SLC24A2: variants seen among roughly 807,000 people sequenced by gnomAD.
SLC24A2 encodes the protein sodium/potassium/calcium exchanger 2.
Under a neutral mutation model 62.0 loss-of-function variants are expected in SLC24A2, and 36 were observed. The observed-to-expected ratio is 0.58, with a 90% CI of 0.44 to 0.77. The LOEUF is 0.77. Ranked by LOEUF, SLC24A2 falls within the 30% of genes least tolerant of loss-of-function variation. The pLI is 0.00. For missense variants in SLC24A2, 846 were observed against 817.9 expected, an observed-to-expected ratio of 1.03 and a Z score of -0.42; for synonymous variants, 358 against 294.0, an observed-to-expected ratio of 1.22 and a Z score of -2.23.
the SLC24A2 span, among the ~76,000 whole-genome samples, chr9:20,223,768 GGTTA>G: frequency 6.6e-6 from 1 of 152,014 alleles, no homozygotes; most frequent in Non-Finnish European, 1.5e-5. Context: ...TAGAATAATT[GGTTA>G]TTTAGGTGGA....
At chr9:19,518,567 G>A (rs543170752) in intron 10 of SLC24A2, among the ~76,000 whole-genome samples, 8 of 151,814 alleles carry the variant, frequency 5.3e-5, no homozygotes, top group Non-Finnish European at 1.0e-4. Flanking sequence ...GACTGCAGGC[G>A]CACGCCACCA....
At chr9:20,065,278 C>T in the SLC24A2 span, among the ~76,000 whole-genome samples, 1 of 152,214 alleles carries the variant, frequency 6.6e-6, no homozygotes, top group East Asian at 1.9e-4. Context: ...CCAGCAGTCT[C>T]CCAGACAAGA....
chr9:19,728,536 G>GA (rs1396733846), intron 2 of SLC24A2, among the ~76,000 whole-genome samples: 2 of 152,040 alleles, frequency 1.3e-5, no homozygotes, highest in Admixed American at 6.6e-5. Flanking sequence ...TTGCTATAAT[G>GA]AAAAAATCTT....
intron 2 of SLC24A2, among the ~76,000 whole-genome samples, chr9:19,695,679 C>CAAAAAAAAAAAAAAAAAAAAAAA (rs66668393): frequency 1.4e-5 from 1 of 73,536 alleles, no homozygotes; most frequent in African/African-American, 5.6e-5. Context: ...TTGTTAGTAG[C>CAAAAAAAAAAAAAAAAAAAAAAA]AAAAAAAAAA....
At position 19,520,918 on chromosome 9, in the gene SLC24A2, C is replaced by A; in HGVS notation, c.1712G>T (p.Ser571Ile). ...GDMAVSSSVGSNIFDITVGLP... is the reference protein window; with the variant it reads ...GDMAVSSSVGINIFDITVGLP... Reference sequence around the variant, plus strand: ...CCCTACAGTGATGTCAAAAATGTTGCTTCCAACAGAGCTGGACACAGCCAT... The same window carrying A: ...CCCTACAGTGATGTCAAAAATGTTGATTCCAACAGAGCTGGACACAGCCAT... The change falls in exon 10 of 11, where the codon AGC becomes ATC. Residue 571 changes from serine (S) to isoleucine (I), a missense_variant. Physicochemically the swap from Ser to Ile is moderately radical, Grantham distance 142. Coordinates refer to ENST00000341998, the MANE Select transcript of SLC24A2 (RefSeq NM_020344.4). The A allele has an allele frequency of 6.2e-7, 1 of 1,614,018 alleles. No individual in the cohort carries two copies. Among genetic ancestry groups the A allele is most frequent in the Non-Finnish European group, 8.5e-7 (1 of 1,179,960 alleles).
the SLC24A2 span, among the ~76,000 whole-genome samples, chr9:20,278,527 CACA>C: frequency 2.0e-5 from 3 of 152,184 alleles, no homozygotes; most frequent in African/African-American, 7.2e-5. Flanking sequence ...TTTGCTAAAG[CACA>C]ACAAGAGTCA....
chr9:20,067,268 T>G, the SLC24A2 span, among the ~76,000 whole-genome samples: 1 of 152,200 alleles, frequency 6.6e-6, no homozygotes, highest in Admixed American at 6.6e-5. Flanking sequence ...ATTTGAACTC[T>G]TCATGATGTC....
chr9:20,051,680 G>GT, the SLC24A2 span, among the ~76,000 whole-genome samples: 1 of 14,204 alleles, frequency 7.0e-5, no homozygotes, highest in African/African-American at 4.6e-4. Flanking sequence ...TTTTTTTTTT[G>GT]GTGCTTGCTC....
At position 19,624,653 on chromosome 9, in the gene SLC24A2, G is replaced by A. The variant is rs573328796; in HGVS notation, c.931-2354C>T. Among the ~76,000 whole-genome samples, 5 of 152,256 alleles carry A rather than the reference G, an allele frequency of 3.3e-5. No homozygotes were observed. The South Asian group carries it at 1.0e-3, about 32-fold the overall frequency. ...TTAATGTCTGCAGTTGACATCATTC[G>A]TTTTCTTTCAAGTGTAATCTGCAGA... On this transcript the variant is annotated intron_variant, in intron 2 of 10. Transcript: ENST00000341998.
the SLC24A2 span, among the ~76,000 whole-genome samples, chr9:19,866,900 T>A: frequency 1.3e-5 from 2 of 152,046 alleles, no homozygotes. Context: ...GAAGGCTGAT[T>A]ATCAGAGGCT....
chr9:20,301,706 G>A, the SLC24A2 span, among the ~76,000 whole-genome samples: 33,323 of 151,604 alleles, frequency 0.22, 4,534 homozygotes, highest in South Asian at 0.53. Context: ...CCCCACCAGC[G>A]TGGTACATTT....
chr9:19,589,510 G>C (rs192878681), intron 5 of SLC24A2, among the ~76,000 whole-genome samples: 3 of 152,296 alleles, frequency 2.0e-5, no homozygotes, highest in Admixed American at 1.3e-4. Context: ...ACAAAAAATA[G>C]TTAAAATTAA....
At chr9:19,572,410 G>A (rs956988844) in intron 7 of SLC24A2, among the ~76,000 whole-genome samples, 5 of 152,098 alleles carry the variant, frequency 3.3e-5, no homozygotes, top group Non-Finnish European at 7.4e-5. Context: ...GCGGGGAGGA[G>A]CCTGGTGGGA....
At chr9:20,274,276 C>T in the SLC24A2 span, among the ~76,000 whole-genome samples, 8 of 152,200 alleles carry the variant, frequency 5.3e-5, no homozygotes, top group East Asian at 7.7e-4. Context: ...GGGGCCTGCT[C>T]TTCTACATAG....
chr9:19,707,188 C>T (rs1303664880), intron 2 of SLC24A2, among the ~76,000 whole-genome samples: 3 of 151,848 alleles, frequency 2.0e-5, no homozygotes, highest in African/African-American at 7.3e-5. Context: ...CACATACACC[C>T]TCCCAAGACT....
the SLC24A2 span, among the ~76,000 whole-genome samples, chr9:20,078,457 C>A: frequency 2.6e-5 from 4 of 152,142 alleles, no homozygotes; most frequent in African/African-American, 9.7e-5. Flanking sequence ...TCCCCACTGA[C>A]TGAAGTGAAC....
the SLC24A2 span, among the ~76,000 whole-genome samples, chr9:19,828,795 A>C: frequency 6.6e-6 from 1 of 152,238 alleles, no homozygotes; most frequent in Non-Finnish European, 1.5e-5. Flanking sequence ...TTGGCAAGTC[A>C]TCCAGCATCA....
the SLC24A2 span, among the ~76,000 whole-genome samples, chr9:20,175,531 TA>T: frequency 6.6e-6 from 1 of 152,018 alleles, no homozygotes; most frequent in South Asian, 2.1e-4. Flanking sequence ...GCACAGTTTT[TA>T]AAAAATCAAA....
chr9:19,956,206 G>A, the SLC24A2 span, among the ~76,000 whole-genome samples: 2 of 152,204 alleles, frequency 1.3e-5, no homozygotes, highest in African/African-American at 2.4e-5. Context: ...AACTGACAAG[G>A]CCAGAACATA....
Sources: allele counts gnomAD v4.1 joint callset (sites outside exome capture counted in the v4.1 genomes callset), GRCh38; gene constraint gnomAD v4.1.1; transcripts MANE v1.5; gene names NCBI Gene and HGNC (gene_info 2026-07-23, HGNC 2026-07-21).